RASGRP1: variants seen among roughly 807,000 people sequenced by gnomAD.
The protein encoded by RASGRP1 is RAS guanyl releasing protein 1, also known as RAS guanyl-releasing protein 1.
RASGRP1 carries 37 observed loss-of-function variants against 95.1 expected under a neutral mutation model. That is an observed-to-expected ratio of 0.39 (90% CI 0.30 to 0.51). The LOEUF (loss-of-function observed/expected upper bound fraction) is 0.51. RASGRP1 is among the 20% of genes least tolerant of loss of function. The pLI is 0.80. For synonymous variants in RASGRP1, 325 were observed against 353.4 expected, an observed-to-expected ratio of 0.92 and a Z score of 0.90; for missense variants, 711 against 965.4, an observed-to-expected ratio of 0.74 and a Z score of 3.49.
chr15:38,502,303 A>G lies in RASGRP1; in HGVS notation c.1538+9T>C, dbSNP rs766485340. On this transcript the variant is annotated intron_variant, in intron 12 of 16. Coordinates refer to ENST00000310803, the MANE Select transcript of RASGRP1 (RefSeq NM_005739.4). ...TCATAACCACATATTCCTAAGTACA[A>G]ACCCTCACCTGTCTTTGTCCATCAC... The G allele has an allele frequency of 6.5e-7, 1 of 1,548,354 alleles. No homozygotes were observed. Among genetic ancestry groups the G allele is most frequent in the Non-Finnish European group, 8.9e-7 (1 of 1,121,056 alleles).
At chr15:38,551,642 T>C (rs911125209) in intron 2 of RASGRP1, among the ~76,000 whole-genome samples, 3 of 151,996 alleles carry the variant, frequency 2.0e-5, no homozygotes, top group African/African-American at 7.3e-5. Flanking sequence ...AATGGGCAAA[T>C]TTAAACACAA....
In RASGRP1 at chr15:38,490,190, G is replaced by T; in HGVS notation, c.*364C>A. On this transcript the variant is annotated 3_prime_UTR_variant, in exon 17 of 17. Transcript: ENST00000310803. ...TAAGTCAGTTTGCAGAAAACACAGG[G>T]TAAGAAGCAAATCCATTTTCCAGAG... 6.1e-6 allele frequency: 1 copy of T among 163,642 alleles called. No individual in the cohort carries two copies. 10.1% of individuals were successfully genotyped at this position (163,642 alleles called of 1,614,324 possible). A position where few individuals can be genotyped will look rare whatever the true frequency, so the allele number is the denominator to read the frequency against.
At chr15:38,502,102 A>C in intron 12 of RASGRP1, among the ~76,000 whole-genome samples, 1 of 152,088 alleles carries the variant, frequency 6.6e-6, no homozygotes, top group Non-Finnish European at 1.5e-5. Context: ...TGATCTGCCC[A>C]CCTCGGCCTC....
Position 38,517,964 on chromosome 15 carries a change from G to A in RASGRP1, c.521+328C>T, listed in dbSNP as rs1027385572. The stretch of plus-strand genomic sequence containing the variant: ...GTGTGCCTCCTGGCATTAAGCGTGG[G>A]TTCAGTCATTTGCACTTTCAGTTTT... On this transcript the variant is annotated intron_variant, in intron 5 of 16. Transcript: ENST00000310803. Among the ~76,000 whole-genome samples the A allele has an allele frequency of 5.3e-5, 8 of 152,236 alleles. No individual in the cohort carries two copies. The South Asian group carries it at 1.7e-3, about 32-fold the overall frequency.
chr15:38,503,816 T>C (rs1891139416), intron 10 of RASGRP1: 1 of 219,492 alleles, frequency 4.6e-6, no homozygotes, highest in African/African-American at 2.4e-5. Context: ...ACAAGCTCTT[T>C]TCTAAATACA....
At chr15:38,543,561 C>CTTTTTTTTTTTTTTTTTT (rs1312763434) in intron 2 of RASGRP1, among the ~76,000 whole-genome samples, 1 of 60,696 alleles carries the variant, frequency 1.6e-5, no homozygotes, top group East Asian at 5.3e-4. Context: ...AAACTCTAGT[C>CTTTTTTTTTTTTTTTTTT]TTTTTTTTTT....
At chr15:38,562,990 G>A (rs1229358853) in intron 1 of RASGRP1, among the ~76,000 whole-genome samples, 1 of 152,210 alleles carries the variant, frequency 6.6e-6, no homozygotes, top group African/African-American at 2.4e-5. Flanking sequence ...ATGGAGCCCA[G>A]AGAGACTCAG....
chr15:38,523,073 G>T (rs1422582116), intron 3 of RASGRP1, among the ~76,000 whole-genome samples: 1 of 152,116 alleles, frequency 6.6e-6, no homozygotes, highest in Non-Finnish European at 1.5e-5. Context: ...GAAACCCTAG[G>T]ATCAGGTGAC....
intron 2 of RASGRP1, among the ~76,000 whole-genome samples, chr15:38,541,654 A>G (rs530261594): frequency 5.3e-5 from 8 of 152,304 alleles, no homozygotes; most frequent in African/African-American, 1.9e-4. Flanking sequence ...CCCTGGATAA[A>G]TCACTAACCC....
intron 8 of RASGRP1, among the ~76,000 whole-genome samples, chr15:38,510,051 G>GT (rs1186476061): frequency 6.6e-6 from 1 of 152,180 alleles, no homozygotes; most frequent in East Asian, 1.9e-4. Context: ...AGACAAGAGT[G>GT]TAACAGCAAA....
intron 2 of RASGRP1, among the ~76,000 whole-genome samples, chr15:38,527,594 A>G (rs1892270734): frequency 6.6e-6 from 1 of 152,196 alleles, no homozygotes; most frequent in African/African-American, 2.4e-5. Flanking sequence ...CCAGACTGGG[A>G]ACTTCAATTA....
At chr15:38,520,501 G>A (rs1848643097) in intron 3 of RASGRP1, among the ~76,000 whole-genome samples, 1 of 152,138 alleles carries the variant, frequency 6.6e-6, no homozygotes. Context: ...TGCTTGTAAT[G>A]TTTAAAAGCA....
chr15:38,522,081 T>C (rs1034112958), intron 3 of RASGRP1, among the ~76,000 whole-genome samples: 10 of 152,168 alleles, frequency 6.6e-5, no homozygotes, highest in African/African-American at 2.4e-4. Context: ...TAATGCAACA[T>C]TTATTGTGTC....
chr15:38,555,493 AG>A (rs1379566953), intron 2 of RASGRP1, among the ~76,000 whole-genome samples: 1 of 152,164 alleles, frequency 6.6e-6, no homozygotes, highest in African/African-American at 2.4e-5. Context: ...GAGTGTAGGA[AG>A]GCCTGTCTTA....
chr15:38,502,652 T>C (rs933222707), intron 11 of RASGRP1, among the ~76,000 whole-genome samples: 5 of 152,160 alleles, frequency 3.3e-5, no homozygotes, highest in Non-Finnish European at 5.9e-5. Context: ...CATTAGCACG[T>C]CAATTATACT....
intron 10 of RASGRP1, 88 bp downstream of exon 10, chr15:38,505,752 C>G (rs1332664932): frequency 4.7e-6 from 5 of 1,069,028 alleles, no homozygotes; most frequent in Non-Finnish European, 7.1e-6. Flanking sequence ...TTAAACTGAA[C>G]TGAAAGTCTG....
At chr15:38,496,590 A>G (rs1318161395) in intron 15 of RASGRP1, among the ~76,000 whole-genome samples, 3 of 152,226 alleles carry the variant, frequency 2.0e-5, no homozygotes, top group Admixed American at 6.5e-5. Flanking sequence ...ATTTTTCACA[A>G]TGGTGTTTGT....
At chr15:38,552,665 T>G (rs533439335) in intron 2 of RASGRP1, among the ~76,000 whole-genome samples, 1 of 152,250 alleles carries the variant, frequency 6.6e-6, no homozygotes, top group East Asian at 1.9e-4. Flanking sequence ...AATTAGGAAG[T>G]GGTGAGTTTT....
intron 2 of RASGRP1, among the ~76,000 whole-genome samples, chr15:38,547,977 T>TC: frequency 6.6e-6 from 1 of 151,434 alleles, no homozygotes; most frequent in Admixed American, 6.6e-5. Context: ...TTTCCAGGTT[T>TC]TTTTTTTTTT....
Sources: allele counts gnomAD v4.1 joint callset (sites outside exome capture counted in the v4.1 genomes callset), GRCh38; gene constraint gnomAD v4.1.1; transcripts MANE v1.5; gene names NCBI Gene and HGNC (gene_info 2026-07-23, HGNC 2026-07-21).